MTHFD2L: variants seen among roughly 807,000 people sequenced by gnomAD.
MTHFD2L encodes methylenetetrahydrofolate dehydrogenase (NADP+ dependent) 2 like.
A neutral mutation model predicts 34.9 loss-of-function variants in MTHFD2L; 29 were observed. The observed-to-expected ratio is 0.83, with a 90% CI of 0.62 to 1.13. MTHFD2L has a LOEUF of 1.13. MTHFD2L is among the 50% of genes most tolerant of loss of function. The pLI is 0.00. For synonymous variants in MTHFD2L, 167 were observed against 155.7 expected (o/e 1.07, Z -0.54); for missense variants, 481 against 446.5 (o/e 1.08, Z -0.70).
chr4:74,227,389 C>T (rs1198566049), intron 6 of MTHFD2L, among the ~76,000 whole-genome samples: 3 of 151,086 alleles, frequency 2.0e-5, no homozygotes, highest in African/African-American at 7.4e-5. Flanking sequence ...CTGAATATAT[C>T]GCTGTAAAAA....
At chr4:74,220,681 T>C (rs1371508103) in intron 5 of MTHFD2L, among the ~76,000 whole-genome samples, 3 of 151,772 alleles carry the variant, frequency 2.0e-5, no homozygotes, top group Non-Finnish European at 4.4e-5. Context: ...GTATTTTATC[T>C]TTTGTACTGC....
chr4:74,146,346 T>G (rs919276559), intron 1 of MTHFD2L, among the ~76,000 whole-genome samples: 1 of 152,210 alleles, frequency 6.6e-6, no homozygotes, highest in African/African-American at 2.4e-5. Flanking sequence ...ATTTTTAAAT[T>G]TTTTAAATTG....
chr4:74,162,625 T>C (rs1170124568), intron 1 of MTHFD2L, among the ~76,000 whole-genome samples: 1 of 152,026 alleles, frequency 6.6e-6, no homozygotes, highest in Non-Finnish European at 1.5e-5. Flanking sequence ...TCTAAGGAGC[T>C]CTTAGTCAGT....
At chr4:74,227,892 T>G (rs929394135) in intron 6 of MTHFD2L, among the ~76,000 whole-genome samples, 2 of 152,168 alleles carry the variant, frequency 1.3e-5, no homozygotes, top group Non-Finnish European at 2.9e-5. Flanking sequence ...TTAATGGGTC[T>G]AGATTTTGCT....
chr4:74,254,386 C>T (rs987964026), intron 6 of MTHFD2L, among the ~76,000 whole-genome samples: 1 of 152,006 alleles, frequency 6.6e-6, no homozygotes, highest in South Asian at 2.1e-4. Context: ...TTGAAAGCCA[C>T]AAAAGTGAAT....
chr4:74,127,071 G>GCATTCTGCC (rs1722133263), intron 1 of MTHFD2L, among the ~76,000 whole-genome samples: 1 of 152,252 alleles, frequency 6.6e-6, no homozygotes, highest in East Asian at 1.9e-4. Context: ...GTGAAGAGGT[G>GCATTCTGCC]CATTCTGCCA....
At chr4:74,160,089 G>A (rs891253047) in intron 1 of MTHFD2L, 4 of 1,289,436 alleles carry the variant, frequency 3.1e-6, no homozygotes, top group Non-Finnish European at 4.0e-6. Flanking sequence ...TCTTCCAGAG[G>A]TTGCCACTGT....
intron 6 of MTHFD2L, among the ~76,000 whole-genome samples, chr4:74,270,997 C>T (rs1482787024): frequency 3.9e-5 from 6 of 152,026 alleles, no homozygotes; most frequent in African/African-American, 7.2e-5. Context: ...TCATATCCTT[C>T]GCCCACTTGT....
intron 1 of MTHFD2L, among the ~76,000 whole-genome samples, chr4:74,138,637 C>T (rs573514071): frequency 6.6e-6 from 1 of 152,156 alleles, no homozygotes; most frequent in Non-Finnish European, 1.5e-5. Flanking sequence ...AGACACCCTG[C>T]TGGATCCGGA....
intron 7 of MTHFD2L, among the ~76,000 whole-genome samples, chr4:74,284,344 C>G (rs1415201475): frequency 6.6e-6 from 1 of 152,082 alleles, no homozygotes; most frequent in Non-Finnish European, 1.5e-5. Context: ...GCCAGTTCAC[C>G]AAGGCATAGA....
At chr4:74,231,828 A>G (rs547855816) in intron 6 of MTHFD2L, among the ~76,000 whole-genome samples, 2 of 152,186 alleles carry the variant, frequency 1.3e-5, no homozygotes, top group Admixed American at 1.3e-4. Context: ...AGAATTTCCC[A>G]TATCTAAAAT....
intron 7 of MTHFD2L, among the ~76,000 whole-genome samples, chr4:74,298,311 G>A (rs1749872370): frequency 6.6e-6 from 1 of 152,012 alleles, no homozygotes; most frequent in Non-Finnish European, 1.5e-5. Flanking sequence ...GCCCAGATCA[G>A]GTGAAGACCT....
upstream of MTHFD2L, among the ~76,000 whole-genome samples, chr4:74,121,619 T>C (rs1037391781): frequency 4.1e-5 from 6 of 145,342 alleles, no homozygotes; most frequent in African/African-American, 1.0e-4. Context: ...TTTAATTATA[T>C]ATAATTAATT....
At chr4:74,163,915 A>G (rs1171645665) in intron 1 of MTHFD2L, among the ~76,000 whole-genome samples, 8 of 152,136 alleles carry the variant, frequency 5.3e-5, no homozygotes, top group Non-Finnish European at 1.2e-4. Flanking sequence ...TTGCTCTGTC[A>G]CCCAGGCTGG....
At chr4:74,248,800 T>A (rs1373400570) in intron 6 of MTHFD2L, among the ~76,000 whole-genome samples, 4 of 151,932 alleles carry the variant, frequency 2.6e-5, no homozygotes, top group African/African-American at 9.7e-5. Context: ...TTTGAGTGAG[T>A]TTCTTAATCC....
intron 6 of MTHFD2L, chr4:74,242,192 A>C (rs1741821033): frequency 2.9e-5 from 1 of 33,964 alleles, no homozygotes; most frequent in Non-Finnish European, 8.3e-5. Context: ...CATATAGTAA[A>C]TAAGTAAAAA....
chr4:74,252,021 C>T (rs1743379140), intron 6 of MTHFD2L, among the ~76,000 whole-genome samples: 1 of 152,156 alleles, frequency 6.6e-6, no homozygotes, highest in South Asian at 2.1e-4. Flanking sequence ...TTGGAAAAAG[C>T]ATTCTTTATG....
intron 6 of MTHFD2L, among the ~76,000 whole-genome samples, chr4:74,228,176 T>C (rs988285899): frequency 4.6e-5 from 7 of 152,182 alleles, no homozygotes; most frequent in Non-Finnish European, 8.8e-5. Context: ...AAGTCAGGCA[T>C]GTTTAGAGAG....
chr4:74,286,838 A>G (rs1748243345), intron 7 of MTHFD2L, among the ~76,000 whole-genome samples: 1 of 152,138 alleles, frequency 6.6e-6, no homozygotes. Context: ...AACTCTGACA[A>G]TGCCTTTCCA....
Sources: allele counts gnomAD v4.1 joint callset (sites outside exome capture counted in the v4.1 genomes callset), GRCh38; gene constraint gnomAD v4.1.1; transcripts MANE v1.5; gene names NCBI Gene and HGNC (gene_info 2026-07-23, HGNC 2026-07-21).